Variants in PDE11A observed in about 807,000 individuals in gnomAD.
The protein encoded by PDE11A is phosphodiesterase 11A.
PDE11A carries 100 observed loss-of-function variants against 100.5 expected under a neutral mutation model. That is an observed-to-expected ratio of 1.00 (90% CI 0.85 to 1.18). The LOEUF (loss-of-function observed/expected upper bound fraction) is 1.18, where lower values mean the gene tolerates loss of function less well. PDE11A is among the 50% of genes most tolerant of loss of function. The pLI is 0.00. For synonymous variants in PDE11A, 381 were observed against 420.8 expected (o/e 0.91, Z 1.16); for missense variants, 1,141 against 1,152.6 (o/e 0.99, Z 0.15).
chr2:177,781,694 G>C (rs1432056451), intron 9 of PDE11A, among the ~76,000 whole-genome samples: 2 of 152,072 alleles, frequency 1.3e-5, no homozygotes, highest in East Asian at 3.9e-4. Flanking sequence ...TAGAGAAGGG[G>C]TTTCGCCATG....
intron 2 of PDE11A, among the ~76,000 whole-genome samples, chr2:177,940,250 T>G (rs1187729683): frequency 1.3e-5 from 2 of 152,232 alleles, no homozygotes; most frequent in East Asian, 3.8e-4. Context: ...TAAAGATTTT[T>G]TTTCAATATA....
At chr2:177,883,776 T>C (rs145750034) in intron 4 of PDE11A, among the ~76,000 whole-genome samples, 1 of 152,190 alleles carries the variant, frequency 6.6e-6, no homozygotes, top group African/African-American at 2.4e-5. Flanking sequence ...CACTAGCAAC[T>C]TTGGAAAGCA....
intron 5 of PDE11A, among the ~76,000 whole-genome samples, chr2:177,849,173 C>A (rs116007185): frequency 1.2e-3 from 180 of 152,238 alleles, no homozygotes; most frequent in African/African-American, 4.3e-3. Flanking sequence ...ACATGGAAAC[C>A]CATCCTTACA....
At chr2:177,875,445 T>C (rs2105694805) in intron 5 of PDE11A, among the ~76,000 whole-genome samples, 1 of 152,032 alleles carries the variant, frequency 6.6e-6, no homozygotes, top group African/African-American at 2.4e-5. Context: ...TGGCACAATC[T>C]CGGCTCACTG....
chr2:178,107,038 C>A (rs71423555), intron 1 of PDE11A, among the ~76,000 whole-genome samples: 10,382 of 150,444 alleles, frequency 0.069, 471 homozygotes, highest in Non-Finnish European at 0.1. Flanking sequence ...TTCAGGAAAC[C>A]AGACATTTAA....
At chr2:178,104,324 A>G (rs377693129) in exon 2 of PDE11A, 2 of 1,614,086 alleles carry the variant, frequency 1.2e-6, no homozygotes, top group Non-Finnish European at 1.7e-6. Flanking sequence ...TTGCCTCTGT[A>G]TAAGAAAATC....
At chr2:178,044,051 T>C (rs975157386) in intron 1 of PDE11A, among the ~76,000 whole-genome samples, 14 of 152,296 alleles carry the variant, frequency 9.2e-5, no homozygotes, top group East Asian at 5.8e-4. Context: ...GAGTGAGAAG[T>C]TAATACTGCT....
intron 2 of PDE11A, among the ~76,000 whole-genome samples, chr2:177,932,539 C>A (rs2085220734): frequency 6.6e-6 from 1 of 152,044 alleles, no homozygotes; most frequent in Admixed American, 6.6e-5. Flanking sequence ...TGATTCACCA[C>A]ATAAATGGAA....
rs3037901 is a variant in PDE11A, at chr2:177,899,637, A to AATATATATATAT, written c.1162-1451_1162-1440dup. On this transcript the variant is annotated intron_variant, in intron 3 of 19. Transcript: ENST00000286063. ...ATGCTAATTAAGTTTCAGATTCTTAAATATATATATATATATATGTAATTT... is the reference window on the plus strand; with the variant it reads ...ATGCTAATTAAGTTTCAGATTCTTAAATATATATATATATATATATATATATATATGTAATTT... 3.5e-4 allele frequency: 73 copies of AATATATATATAT among 209,290 alleles called. 1 individual carries two copies. The highest frequency in any genetic ancestry group is 1.3e-3 in the African/African-American group (52 of 40,452). The allele number at this position is 209,290 out of a possible 1,614,324, so 13.0% of individuals were successfully genotyped here. A position where few individuals can be genotyped will look rare whatever the true frequency, so the allele number is the denominator to read the frequency against.
intron 10 of PDE11A, among the ~76,000 whole-genome samples, chr2:177,764,023 ATTATACACTATTTCATGGATTAAAGTGTC>A (rs2082206480): frequency 6.6e-6 from 1 of 152,190 alleles, no homozygotes; most frequent in African/African-American, 2.4e-5. Flanking sequence ...GAAGCTTCTT[ATTATACACTATTTCATGGATTAAAGTGTC>A]TTATCAAATC....
rs532397835 is a variant in PDE11A at position 178,004,409 on chromosome 2, C to T, written c.1071+9893G>A. Among the ~76,000 whole-genome samples, 89 of 152,254 alleles carry T rather than the reference C, an allele frequency of 5.8e-4. No individual in the cohort carries two copies. The Middle Eastern group carries it at 0.01, about 17-fold the overall frequency. ...AAAAATTCAAATTCAAGTATTTCAG[C>T]ATTCTAAGATGAAAAGAAGCAACCT... On this transcript the variant is annotated intron_variant, in intron 2 of 19. Coordinates refer to ENST00000286063, the MANE Select transcript of PDE11A (RefSeq NM_016953.4).
At chr2:177,801,521 C>T (rs998808082) in intron 9 of PDE11A, among the ~76,000 whole-genome samples, 1 of 152,062 alleles carries the variant, frequency 6.6e-6, no homozygotes, top group African/African-American at 2.4e-5. Flanking sequence ...TTTAAGCCCA[C>T]ATTGGAGTTA....
At chr2:177,859,531 C>T (rs146217969) in intron 5 of PDE11A, among the ~76,000 whole-genome samples, 1 of 151,794 alleles carries the variant, frequency 6.6e-6, no homozygotes, top group Admixed American at 6.6e-5. Context: ...AATAGTGGAG[C>T]CTTCAACATC....
At chr2:177,859,940 C>T (rs952207763) in intron 5 of PDE11A, among the ~76,000 whole-genome samples, 1 of 151,734 alleles carries the variant, frequency 6.6e-6, no homozygotes, top group Non-Finnish European at 1.5e-5. Context: ...CCAAAATACA[C>T]TGGATGCAGC....
At chr2:177,998,852 A>T in intron 2 of PDE11A, 1 of 609,170 alleles carries the variant, frequency 1.6e-6, no homozygotes, top group Non-Finnish European at 3.0e-6. Flanking sequence ...CTCCAAGCCC[A>T]CTACCTGCAC....
intron 2 of PDE11A, among the ~76,000 whole-genome samples, chr2:178,003,079 C>G (rs1248385540): frequency 6.6e-6 from 1 of 152,030 alleles, no homozygotes; most frequent in Admixed American, 6.6e-5. Context: ...GAATTCGGAA[C>G]CCTCATACAT....
chr2:177,997,137 T>A, intron 2 of PDE11A: 1 of 929,434 alleles, frequency 1.1e-6, no homozygotes, highest in African/African-American at 1.6e-5. Context: ...ATCCAATGAG[T>A]AGTAGAATTT....
intron 2 of PDE11A, among the ~76,000 whole-genome samples, chr2:178,001,312 A>T (rs200437748): frequency 9.5e-4 from 63 of 66,030 alleles, no homozygotes; most frequent in African/African-American, 1.8e-3. Flanking sequence ...GTGTGTGTGT[A>T]GTAGGTTTAA....
chr2:177,755,373 A>C lies in PDE11A; in HGVS notation c.1788+13950T>G, dbSNP rs73030355. Among the ~76,000 whole-genome samples the C allele has an allele frequency of 6.7e-3, 1,016 of 152,254 alleles. 15 individuals carry two copies. The highest frequency in any genetic ancestry group is 0.023 in the African/African-American group (948 of 41,548). On this transcript the variant is annotated intron_variant, in intron 10 of 19. Coordinates refer to ENST00000286063, the MANE Select transcript of PDE11A (RefSeq NM_016953.4). The stretch of plus-strand genomic sequence containing the variant: ...GACAGAGCGATCACTTGTGGGTGTC[A>C]CCCAGTTTCTAGACATTACGAAGAG...
Sources: gnomAD v4.1 joint callset for allele counts (sites outside exome capture counted in the v4.1 genomes callset) on GRCh38, gnomAD v4.1.1 for gene constraint, MANE v1.5 for transcripts, NCBI Gene and HGNC (gene_info 2026-07-23, HGNC 2026-07-21) for gene names.